The following THSD7B variants were observed in gnomAD, a reference collection of about 807,000 sequenced individuals.
THSD7B encodes thrombospondin type 1 domain containing 7B.
In THSD7B, 138 loss-of-function variants were observed where a neutral mutation model predicts 213.6. The ratio of observed to expected loss-of-function variants is 0.65; its 90% CI spans 0.56 to 0.74. The LOEUF is 0.74. THSD7B is among the 30% of genes least tolerant of loss of function. The pLI is 0.00. For missense variants in THSD7B, 1,931 were observed against 1,991.5 expected (o/e 0.97, Z 0.58); for synonymous variants, 742 against 687.0 (o/e 1.08, Z -1.25).
At chr2:137,466,655 TA>T (rs1255113180) in intron 15 of THSD7B, among the ~76,000 whole-genome samples, 4 of 152,124 alleles carry the variant, frequency 2.6e-5, no homozygotes, top group African/African-American at 9.7e-5. Context: ...TTTTCAAATA[TA>T]CATGAAACCA....
Position 137,616,328 on chromosome 2 carries a change from A to G in THSD7B, c.3565+12A>G. On this transcript the variant is annotated intron_variant, in intron 18 of 27. Transcript: ENST00000409968. ...GTACAATCTAACAGGTACAGTTAAA[A>G]TCTATGACCTTGTCGTTCTCCCTGA... 1 of 1,608,268 alleles carries G rather than the reference A, an allele frequency of 6.2e-7. No homozygotes were observed. The highest frequency in any genetic ancestry group is 8.5e-7 in the Non-Finnish European group (1 of 1,177,928).
intron 2 of THSD7B, among the ~76,000 whole-genome samples, chr2:136,942,915 C>T (rs1684857110): frequency 6.6e-6 from 1 of 152,340 alleles, no homozygotes; most frequent in South Asian, 2.1e-4. Context: ...GAGAGGACAT[C>T]CCTGTCTTGT....
chr2:137,544,735 T>C (rs929637469), intron 15 of THSD7B, among the ~76,000 whole-genome samples: 2 of 151,834 alleles, frequency 1.3e-5, no homozygotes, highest in African/African-American at 4.8e-5. Flanking sequence ...TATAGTGATT[T>C]ATAAATAGTT....
At chr2:137,507,826 T>G (rs2105146827) in intron 15 of THSD7B, among the ~76,000 whole-genome samples, 1 of 152,246 alleles carries the variant, frequency 6.6e-6, no homozygotes, top group Middle Eastern at 3.4e-3. Flanking sequence ...TTGATTTATG[T>G]GTGGCGAAAT....
intron 17 of THSD7B, among the ~76,000 whole-genome samples, chr2:137,613,193 A>G (rs1164722378): frequency 6.6e-6 from 1 of 152,128 alleles, no homozygotes; most frequent in Non-Finnish European, 1.5e-5. Context: ...TTATTGGTGA[A>G]GAAACAGGCC....
intron 3 of THSD7B, among the ~76,000 whole-genome samples, chr2:137,060,226 T>G (rs1470629648): frequency 5.3e-5 from 8 of 152,148 alleles, no homozygotes; most frequent in Admixed American, 3.9e-4. Context: ...TTCTTATTGT[T>G]GAATTTTAAG....
chr2:137,617,571 A>T (rs1390594972), intron 18 of THSD7B, among the ~76,000 whole-genome samples: 2 of 152,064 alleles, frequency 1.3e-5, no homozygotes, highest in East Asian at 1.9e-4. Context: ...ATCTCTTTTG[A>T]CTATTCTGTA....
intron 12 of THSD7B, among the ~76,000 whole-genome samples, chr2:137,362,895 A>G (rs1041929547): frequency 4.6e-5 from 7 of 152,188 alleles, no homozygotes; most frequent in Non-Finnish European, 1.0e-4. Flanking sequence ...CCTAATAGAC[A>G]TCTACAGAAC....
intron 17 of THSD7B, among the ~76,000 whole-genome samples, chr2:137,607,959 C>T (rs1352432321): frequency 3.3e-5 from 5 of 152,126 alleles, no homozygotes; most frequent in Non-Finnish European, 7.4e-5. Flanking sequence ...ATCATCCTAA[C>T]TTCCTCTTTG....
intron 14 of THSD7B, among the ~76,000 whole-genome samples, chr2:137,430,243 G>A (rs2105038721): frequency 6.6e-6 from 1 of 152,072 alleles, no homozygotes; most frequent in Admixed American, 6.5e-5. Context: ...GCAAGACCCT[G>A]ACTCAAAAAA....
In THSD7B at chr2:137,504,098, T is replaced by C. The variant is rs553549989; in HGVS notation, c.3138+53075T>C. Among the ~76,000 whole-genome samples the C allele has an allele frequency of 6.6e-5, 10 of 151,938 alleles. 1 individual carries two copies. The South Asian group carries it at 2.1e-3, about 32-fold the overall frequency. On this transcript the variant is annotated intron_variant, in intron 15 of 27. Coordinates refer to ENST00000409968, the MANE Select transcript of THSD7B (RefSeq NM_001316349.2). Reference sequence around the variant, plus strand: ...AGAAAGTGAGCTTCGGTGCAGTGATTGTCATCTTTATGTTCCTGAACATAG... The same window carrying C: ...AGAAAGTGAGCTTCGGTGCAGTGATCGTCATCTTTATGTTCCTGAACATAG...
intron 2 of THSD7B, among the ~76,000 whole-genome samples, chr2:136,990,378 C>G (rs1017495537): frequency 1.3e-5 from 2 of 152,166 alleles, no homozygotes; most frequent in Non-Finnish European, 2.9e-5. Flanking sequence ...GTTGTGTCAG[C>G]CCAAGGTGAT....
At chr2:136,939,543 A>G (rs539287) in intron 2 of THSD7B, among the ~76,000 whole-genome samples, 61,971 of 151,652 alleles carry the variant, frequency 0.41, 14,787 homozygotes, top group Non-Finnish European at 0.55. Context: ...CTCTCCTTTC[A>G]CCAGGCATAT....
intron 1 of THSD7B, among the ~76,000 whole-genome samples, chr2:136,837,689 G>T (rs1682865922): frequency 6.6e-6 from 1 of 152,210 alleles, no homozygotes; most frequent in Non-Finnish European, 1.5e-5. Flanking sequence ...ACTGTCTCTA[G>T]AAACAGCATC....
intron 3 of THSD7B, among the ~76,000 whole-genome samples, chr2:137,069,455 A>G (rs994343263): frequency 6.6e-6 from 1 of 152,044 alleles, no homozygotes; most frequent in African/African-American, 2.4e-5. Context: ...AAATCAGATC[A>G]ATGGGTTTTA....
intron 15 of THSD7B, among the ~76,000 whole-genome samples, chr2:137,495,945 A>T (rs1679552831): frequency 6.6e-6 from 1 of 152,082 alleles, no homozygotes; most frequent in East Asian, 1.9e-4. Context: ...CAGAATTTTT[A>T]TTTTTCATAT....
intron 12 of THSD7B, among the ~76,000 whole-genome samples, chr2:137,347,785 T>G (rs1684910070): frequency 6.6e-6 from 1 of 151,490 alleles, no homozygotes; most frequent in Admixed American, 6.6e-5. Flanking sequence ...GGATATAAAC[T>G]TATACAGTGA....
chr2:136,952,868 T>G (rs542834364), intron 2 of THSD7B, among the ~76,000 whole-genome samples: 1 of 152,260 alleles, frequency 6.6e-6, no homozygotes, highest in African/African-American at 2.4e-5. Flanking sequence ...CCTTCTCCCT[T>G]GTGGATATCT....
chr2:137,354,249 G>A (rs556277792), intron 12 of THSD7B, among the ~76,000 whole-genome samples: 2 of 151,056 alleles, frequency 1.3e-5, no homozygotes, highest in South Asian at 2.1e-4. Flanking sequence ...CTAGATCTTC[G>A]ATGTTGAATG....
Sources: allele counts gnomAD v4.1 joint callset (sites outside exome capture counted in the v4.1 genomes callset), GRCh38; gene constraint gnomAD v4.1.1; transcripts MANE v1.5; gene names NCBI Gene and HGNC (gene_info 2026-07-23, HGNC 2026-07-21).